Variants in PCDHGA1 observed in about 807,000 individuals in gnomAD.
The protein encoded by PCDHGA1 is protocadherin gamma subfamily A, 1, also known as protocadherin gamma-A1.
Under a neutral mutation model 58.0 loss-of-function variants are expected in PCDHGA1, and 32 were observed. The ratio of observed to expected loss-of-function variants is 0.55; its 90% CI spans 0.42 to 0.74. The LOEUF is 0.74. PCDHGA1 is among the 30% of genes least tolerant of loss of function. The pLI is 0.00. For synonymous variants in PCDHGA1, 498 were observed against 501.1 expected (o/e 0.99, Z 0.08); for missense variants, 1,205 against 1,182.3 (o/e 1.02, Z -0.28).
In PCDHGA1 at chr5:141,382,029, A is replaced by C. The variant is rs574099831; in HGVS notation, c.2421+48924A>C. 4.6e-4 allele frequency among the ~76,000 whole-genome samples: 70 copies of C among 151,618 alleles called. 2 individuals carry two copies. The South Asian group carries it at 0.013, about 28-fold the overall frequency. On this transcript the variant is annotated intron_variant, in intron 1 of 3. Coordinates refer to ENST00000517417, the MANE Select transcript of PCDHGA1 (RefSeq NM_018912.3). Reference sequence around the variant, plus strand: ...TTTTTAGTAGAGACGGGGTTTCTCCATGTTGGTCAGGCTGGTCTCAAGCTC... The same window carrying C: ...TTTTTAGTAGAGACGGGGTTTCTCCCTGTTGGTCAGGCTGGTCTCAAGCTC...
chr5:141,393,572 G>A, intron 1 of PCDHGA1: 1 of 1,613,908 alleles, frequency 6.2e-7, no homozygotes, highest in Non-Finnish European at 8.5e-7. Context: ...AAGTCCTTGA[G>A]AACATGCCCC....
intron 1 of PCDHGA1, chr5:141,376,964 G>C (rs1365805251): frequency 6.2e-6 from 1 of 160,316 alleles, no homozygotes; most frequent in Non-Finnish European, 1.4e-5. Flanking sequence ...TGGGATTACA[G>C]GCGTGAGCCA....
chr5:141,405,822 T>C (rs1055689569), intron 1 of PCDHGA1, among the ~76,000 whole-genome samples: 2 of 151,888 alleles, frequency 1.3e-5, no homozygotes, highest in African/African-American at 4.8e-5. Flanking sequence ...CTGTCTGTAC[T>C]TAAGGTAGTA....
chr5:141,422,087 G>A, intron 1 of PCDHGA1: 6 of 1,611,966 alleles, frequency 3.7e-6, no homozygotes, highest in Non-Finnish European at 5.1e-6. Context: ...AACATGGAAA[G>A]CAAGGCTTCT....
chr5:141,376,249 A>G (rs1433359020), intron 1 of PCDHGA1: 1 of 1,614,042 alleles, frequency 6.2e-7, no homozygotes, highest in Non-Finnish European at 8.5e-7. Context: ...GGCACAAGTC[A>G]CGCCTGCTGC....
intron 1 of PCDHGA1, chr5:141,361,423 C>T (rs760185392): frequency 2.5e-6 from 4 of 1,613,938 alleles, no homozygotes; most frequent in South Asian, 2.2e-5. Context: ...CGGGGGCAAG[C>T]CGCCCCTCTC....
intron 1 of PCDHGA1, chr5:141,478,354 C>G (rs141625672): frequency 2.8e-5 from 45 of 1,613,660 alleles, no homozygotes; most frequent in Non-Finnish European, 3.2e-5. Flanking sequence ...ACGCGGACGC[C>G]GTGCGGGGAG....
intron 1 of PCDHGA1, chr5:141,393,832 T>C (rs953592252): frequency 6.2e-7 from 1 of 1,613,866 alleles, no homozygotes; most frequent in African/African-American, 1.3e-5. Context: ...GTGGAAGATG[T>C]AAATGACAAT....
At chr5:141,510,358 C>T (rs186470331) in intron 3 of PCDHGA1, among the ~76,000 whole-genome samples, 187 of 144,062 alleles carry the variant, frequency 1.3e-3, no homozygotes, top group African/African-American at 4.6e-3. Context: ...ACTAACGGAA[C>T]TACCGAATCT....
At chr5:141,384,202 GA>G (rs1561601011) in intron 1 of PCDHGA1, 1 of 1,613,852 alleles carries the variant, frequency 6.2e-7, no homozygotes, top group Non-Finnish European at 8.5e-7. Flanking sequence ...CTTGTCCAGG[GA>G]AACTCACATA....
rs181202785 is a variant in PCDHGA1, at chr5:141,458,320, G to A, written c.2422-36487G>A. On this transcript the variant is annotated intron_variant, in intron 1 of 3. Transcript: ENST00000517417. ...TTTAGATAAAATGACACAGACACAT[G>A]TGGAGTGGTTTTAAGGAGTGGAGAG... is the stretch of plus-strand genomic sequence containing the variant. Among the ~76,000 whole-genome samples the A allele has an allele frequency of 3.2e-3, 490 of 152,250 alleles. 4 individuals are homozygous for A. The highest frequency in any genetic ancestry group is 0.017 in the Middle Eastern group (5 of 294).
rs1330257915 is a variant in PCDHGA1 at position 141,486,153 on chromosome 5, C to T, written c.2422-8654C>T. Reference sequence around the variant, plus strand: ...GATGTGCGGGCTCGCGATGGGGGTTCTCCAGCCATGGAGCAACATTGCAGC... The same window carrying T: ...GATGTGCGGGCTCGCGATGGGGGTTTTCCAGCCATGGAGCAACATTGCAGC... On this transcript the variant is annotated intron_variant, in intron 1 of 3. Transcript: ENST00000517417. This position sits in a 1 kb window ranked among gnomAD's most constrained non-coding sequence, Gnocchi z 5.0. 1 of 1,614,084 alleles carries T rather than the reference C, an allele frequency of 6.2e-7. No homozygotes were observed. Among genetic ancestry groups the T allele is most frequent in the Non-Finnish European group, 8.5e-7 (1 of 1,180,036 alleles).
chr5:141,437,591 G>T (rs1177672004), intron 1 of PCDHGA1, among the ~76,000 whole-genome samples: 5 of 152,170 alleles, frequency 3.3e-5, no homozygotes, highest in Non-Finnish European at 7.3e-5. Flanking sequence ...GAATTGGATA[G>T]TTCTGGTGTA....
At chr5:141,433,765 A>G (rs1389737053) in intron 1 of PCDHGA1, among the ~76,000 whole-genome samples, 1 of 148,692 alleles carries the variant, frequency 6.7e-6, no homozygotes, top group Non-Finnish European at 1.5e-5. Flanking sequence ...TTAACCTGGG[A>G]GGTGGAGGTT....
At position 141,511,482 on chromosome 5, in the gene PCDHGA1, C is replaced by A. The variant is rs761434245; in HGVS notation, c.*309C>A. ...CACACCCCGTTTAGTTACAGCTGAA[C>A]TCCTCCATCTTCCAAATCAATCAGG... On this transcript the variant is annotated 3_prime_UTR_variant, in exon 4 of 4. Coordinates refer to ENST00000517417, the MANE Select transcript of PCDHGA1 (RefSeq NM_018912.3). The A allele has an allele frequency of 2.4e-4, 113 of 464,462 alleles. No homozygotes were observed. Among genetic ancestry groups the A allele is most frequent in the Non-Finnish European group, 4.0e-4 (105 of 260,154 alleles). The allele number at this position is 464,462 out of a possible 1,614,324, so 28.8% of individuals were successfully genotyped here. A position where few individuals can be genotyped will look rare whatever the true frequency, so the allele number is the denominator to read the frequency against.
chr5:141,491,381 C>A lies in PCDHGA1; in HGVS notation c.2422-3426C>A. On this transcript the variant is annotated intron_variant, in intron 1 of 3. Transcript: ENST00000517417. This position sits in a 1 kb window ranked among gnomAD's most constrained non-coding sequence, Gnocchi z 6.9. ...CTAGTCACCTTCACCTTTCTGTCAGCGAAGTGCCTTCAGGGAAACGCAGAC... is the reference window on the plus strand; with the variant it reads ...CTAGTCACCTTCACCTTTCTGTCAGAGAAGTGCCTTCAGGGAAACGCAGAC... 2 of 1,614,068 alleles carry A rather than the reference C, an allele frequency of 1.2e-6. No homozygotes were observed. The highest frequency in any genetic ancestry group is 1.7e-6 in the Non-Finnish European group (2 of 1,179,950).
intron 1 of PCDHGA1, chr5:141,418,379 C>T: frequency 6.2e-7 from 1 of 1,613,966 alleles, no homozygotes; most frequent in Non-Finnish European, 8.5e-7. Flanking sequence ...CCAACTAAGT[C>T]CTAACGAGTA....
rs780241180 is a variant in PCDHGA1, at chr5:141,490,819, C to A, written c.2422-3988C>A. On this transcript the variant is annotated intron_variant, in intron 1 of 3. Transcript: ENST00000517417. The surrounding 1 kb of genome is among the most constrained non-coding windows in gnomAD (Gnocchi z 5.4). ...CCAGCGTACCTTTGACTATGAATTGCTGCAGATGCTGCAGATTGTGGTGGG... is the reference window on the plus strand; with the variant it reads ...CCAGCGTACCTTTGACTATGAATTGATGCAGATGCTGCAGATTGTGGTGGG... 3 of 1,613,842 alleles carry A rather than the reference C, an allele frequency of 1.9e-6. No individual in the cohort carries two copies. The highest frequency in any genetic ancestry group is 2.5e-6 in the Non-Finnish European group (3 of 1,179,804).
At chr5:141,389,466 C>T (rs760000487) in intron 1 of PCDHGA1, 1 of 1,613,330 alleles carries the variant, frequency 6.2e-7, no homozygotes, top group East Asian at 2.2e-5. Flanking sequence ...CGCCTTCGAA[C>T]TCACACTGCA....
Sources: gnomAD v4.1 joint callset for allele counts (sites outside exome capture counted in the v4.1 genomes callset) on GRCh38, gnomAD v4.1.1 for gene constraint, Gnocchi (gnomAD v3.1) non-coding constraint, MANE v1.5 for transcripts, NCBI Gene and HGNC (gene_info 2026-07-23, HGNC 2026-07-21) for gene names.